The following SSX1 variants were observed in gnomAD, a reference collection of about 807,000 sequenced individuals.
SSX1 encodes the protein protein SSX1.
Under a neutral mutation model 14.6 loss-of-function variants are expected in SSX1, and 58 were observed. The ratio of observed to expected loss-of-function variants is 3.96; its 90% CI spans 3.21 to 4.93. The LOEUF (loss-of-function observed/expected upper bound fraction) is 4.93. SSX1 is among the 30% of genes most tolerant of loss of function. The pLI, the probability that SSX1 is intolerant of heterozygous loss-of-function variation, is 0.00. For missense variants in SSX1, 272 were observed against 143.1 expected (o/e 1.90, Z -4.60); for synonymous variants, 46 against 52.1 (o/e 0.88, Z 0.50).
At chrX:48,256,455 G>GTTTTTTTTTTTTTT (rs1190862256) in intron 1 of SSX1, among the ~76,000 whole-genome samples, 4 of 31,156 alleles carry the variant, frequency 1.3e-4, no homozygotes, top group East Asian at 8.4e-4. Flanking sequence ...TTGTGTGGTT[G>GTTTTTTTTTTTTTT]TTTTTTTTTT....
intron 5 of SSX1, 142 bp downstream of exon 5, chrX:48,261,957 C>T (rs1459081636): frequency 3.0e-6 from 2 of 660,924 alleles, no homozygotes; most frequent in South Asian, 2.9e-5. Context: ...GTAGCACCGA[C>T]GGCTTGATAA....
chrX:48,264,259 A>G (rs1294203002), intron 6 of SSX1, among the ~76,000 whole-genome samples: 1 of 112,252 alleles, frequency 8.9e-6, no homozygotes, highest in Non-Finnish European at 1.9e-5. Flanking sequence ...AAGCGATTCT[A>G]TCTGTGATAA....
chrX:48,265,516 CACA>C (rs1569452347), intron 6 of SSX1, among the ~76,000 whole-genome samples: 1 of 107,184 alleles, frequency 9.3e-6, no homozygotes, highest in African/African-American at 3.4e-5. Flanking sequence ...TCAGAATACA[CACA>C]ACATTGATCA....
chrX:48,262,275 C>T (rs1198428183), intron 5 of SSX1, among the ~76,000 whole-genome samples: 2 of 112,135 alleles, frequency 1.8e-5, no homozygotes, highest in East Asian at 2.8e-4. Context: ...ATGAGGCTAT[C>T]GGGGTACAGA....
chrX:48,257,346 G>T, intron 2 of SSX1, 36 bp downstream of exon 2: 1 of 1,203,995 alleles, frequency 8.3e-7, no homozygotes, highest in Non-Finnish European at 1.1e-6. Flanking sequence ...CAGTGGTCCA[G>T]GGGACAGAGT....
At chrX:48,260,784 GA>G (rs61518447) in intron 4 of SSX1, among the ~76,000 whole-genome samples, 45,448 of 107,634 alleles carry the variant, frequency 0.42, 7,040 homozygotes, top group Non-Finnish European at 0.46. Flanking sequence ...TTTTAAAAGT[GA>G]AAAAAAAAGA....
Position 48,257,174 on chromosome X carries a change from G to A in SSX1, c.-20-48G>A, listed in dbSNP as rs1447861972. 4 of 1,142,163 alleles carry A rather than the reference G, an allele frequency of 3.5e-6. No individual in the cohort carries two copies. The Admixed American group carries it at 6.6e-5, about 19-fold the overall frequency. The allele number at this position is 1,142,163 out of a possible 1,213,427, so 94.1% of individuals were successfully genotyped here. On this transcript the variant is annotated intron_variant, in intron 1 of 7. Coordinates refer to ENST00000376919, the MANE Select transcript of SSX1 (RefSeq NM_005635.4). ...GGCTTCACTGATTTCTCCCTCCATA[G>A]GACCAAGGGTCCTGTAGCTAGAAAG...
rs181808377 is a variant in SSX1, at chrX:48,255,616, T to C, written c.-21+184T>C. Among the ~76,000 whole-genome samples, 545 of 99,934 alleles carry C rather than the reference T, an allele frequency of 5.5e-3. 8 individuals carry two copies. Among genetic ancestry groups the C allele is most frequent in the African/African-American group, 0.019 (513 of 26,943 alleles). 86.8% of individuals were successfully genotyped at this position (99,934 alleles called of 115,157 possible). ...CCTCGGCCTTGGGTCTACAGGCCTG[T>C]ATTATCCCACCCCTGTTTTTTTTTT... On this transcript the variant is annotated intron_variant, in intron 1 of 7. Coordinates refer to ENST00000376919, the MANE Select transcript of SSX1 (RefSeq NM_005635.4).
At chrX:48,262,907 G>A (rs1324892123) in intron 5 of SSX1, among the ~76,000 whole-genome samples, 1 of 110,363 alleles carries the variant, frequency 9.1e-6, no homozygotes, top group Non-Finnish European at 1.9e-5. Flanking sequence ...AGGTTGAGGC[G>A]GGCAGATTAC....
chrX:48,262,221 T>C, intron 5 of SSX1, among the ~76,000 whole-genome samples: 1 of 112,291 alleles, frequency 8.9e-6, no homozygotes, highest in Non-Finnish European at 1.9e-5. Flanking sequence ...TAAAGAATAA[T>C]AGTTCATGTT....
intron 4 of SSX1, among the ~76,000 whole-genome samples, chrX:48,259,188 G>A (rs1393619797): frequency 3.6e-5 from 4 of 110,648 alleles, no homozygotes; most frequent in Admixed American, 9.7e-5. Flanking sequence ...GTAGAGATGG[G>A]GTTTCACCAT....
intron 4 of SSX1, among the ~76,000 whole-genome samples, chrX:48,260,080 T>C (rs1482616280): frequency 2.1e-5 from 2 of 96,963 alleles, no homozygotes; most frequent in Admixed American, 1.1e-4. Context: ...AGTGTAAAAG[T>C]GTTCCTATTT....
intron 6 of SSX1, among the ~76,000 whole-genome samples, 184 bp from the exon 7 acceptor site, chrX:48,266,103 G>A (rs1486900870): frequency 1.8e-5 from 2 of 112,085 alleles, no homozygotes; most frequent in African/African-American, 6.5e-5. Flanking sequence ...ACATTAATTG[G>A]TATTTGTCGT....
In SSX1 at chrX:48,266,331, A is replaced by G; in HGVS notation, c.511A>G (p.Arg171Gly). ...TGCCTGGACCCACAGACTGCGTGAG[A>G]GAAAGCAGCTGGTGATTTATGAAGA... ...KHAWTHRLRE[R>G]KQLVIYEEIS... Residue 171 changes from arginine to glycine, a missense_variant, in exon 7 of 8, where the codon AGA (arginine) becomes GGA (glycine). Transcript: ENST00000376919. The G allele has an allele frequency of 4.1e-6, 5 of 1,210,255 alleles. No homozygotes were observed. The highest frequency in any genetic ancestry group is 5.6e-6 in the Non-Finnish European group (5 of 895,386).
intron 5 of SSX1, among the ~76,000 whole-genome samples, chrX:48,262,630 T>C (rs782345831): frequency 9.0e-6 from 1 of 111,543 alleles, no homozygotes; most frequent in South Asian, 3.8e-4. Flanking sequence ...AATGAGTGAT[T>C]CTGGAAGTGC....
intron 6 of SSX1, among the ~76,000 whole-genome samples, chrX:48,264,143 A>T (rs1411818628): frequency 3.6e-5 from 4 of 112,207 alleles, no homozygotes; most frequent in Non-Finnish European, 7.5e-5. Context: ...AAATTTTCTC[A>T]GCTCCAGATT....
intron 5 of SSX1, among the ~76,000 whole-genome samples, chrX:48,262,809 T>G: frequency 8.9e-6 from 1 of 111,832 alleles, no homozygotes; most frequent in Non-Finnish European, 1.9e-5. Flanking sequence ...ACATGTATTA[T>G]TCACTATTTC....
In SSX1 at chrX:48,267,099, T is replaced by A. The variant is rs1569452695; in HGVS notation, c.*250T>A. The stretch of plus-strand genomic sequence containing the variant: ...CTTATAATTGATGAGCAAGACATAC[T>A]GAATGCATATTTCGGTTTGTGTATC... On this transcript the variant is annotated 3_prime_UTR_variant, in exon 8 of 8. Coordinates refer to ENST00000376919, the MANE Select transcript of SSX1 (RefSeq NM_005635.4). 2.4e-6 allele frequency: 1 copy of A among 410,349 alleles called. No individual in the cohort carries two copies. 33.8% of individuals were successfully genotyped at this position (410,349 alleles called of 1,213,427 possible).
At position 48,261,830 on chromosome X, in the gene SSX1, A is replaced by G. The variant is rs1174452112; in HGVS notation, c.330+15A>G. ...TCATCCCGAAGGTGAGTATCTCTCAAATCTAAAGGACCAGAGAACCTTTTT... is the reference window on the plus strand; with the variant it reads ...TCATCCCGAAGGTGAGTATCTCTCAGATCTAAAGGACCAGAGAACCTTTTT... On this transcript the variant is annotated intron_variant, in intron 5 of 7. Coordinates refer to ENST00000376919, the MANE Select transcript of SSX1 (RefSeq NM_005635.4). 6.6e-6 allele frequency: 8 copies of G among 1,207,027 alleles called. No homozygotes were observed. In the Admixed American group the frequency reaches 1.8e-4, roughly 26 times the overall value.
Sources: gnomAD v4.1 joint callset for allele counts (sites outside exome capture counted in the v4.1 genomes callset) on GRCh38, gnomAD v4.1.1 for gene constraint, MANE v1.5 for transcripts, NCBI Gene and HGNC (gene_info 2026-07-23, HGNC 2026-07-21) for gene names.